MACROD2: variants seen among roughly 807,000 people sequenced by gnomAD.
MACROD2 encodes the protein mono-ADP ribosylhydrolase 2.
In MACROD2, 36 loss-of-function variants were observed where a neutral mutation model predicts 70.4. The ratio of observed to expected loss-of-function variants is 0.51; its 90% CI spans 0.39 to 0.68. The LOEUF (loss-of-function observed/expected upper bound fraction) is 0.68. Among genes scored for constraint, MACROD2 ranks in the 30% least tolerant of loss-of-function variants. The probability of loss-of-function intolerance (pLI) is 0.00; values close to 1 mark genes in which losing one functional copy is unlikely to be tolerated. For missense variants in MACROD2, 496 were observed against 538.4 expected, an observed-to-expected ratio of 0.92 and a Z score of 0.78; for synonymous variants, 172 against 178.8, an observed-to-expected ratio of 0.96 and a Z score of 0.30.
Position 15,477,099 on chromosome 20 carries a change from G to GTTTTT in MACROD2, c.572-22660_572-22656dup, listed in dbSNP as rs371999407. ...TTTCCATTCCTTTTCTCTATTTTTA[G>GTTTTT]TTTTTTTTTTTTTTTTTTTGAGACA... On this transcript the variant is annotated intron_variant, in intron 7 of 17. Coordinates refer to ENST00000684519, the MANE Select transcript of MACROD2 (RefSeq NM_001351661.2). 2.7e-3 allele frequency among the ~76,000 whole-genome samples: 317 copies of GTTTTT among 115,364 alleles called. 10 individuals carry two copies. Among genetic ancestry groups the GTTTTT allele is most frequent in the Non-Finnish European group, 3.3e-3 (198 of 59,162 alleles). The allele number at this position is 115,364 out of a possible 152,430, so 75.7% of individuals were successfully genotyped here. A position where few individuals can be genotyped will look rare whatever the true frequency, so the allele number is the denominator to read the frequency against.
chr20:14,006,568 C>T (rs3843772), intron 2 of MACROD2, among the ~76,000 whole-genome samples: 95,612 of 151,950 alleles, frequency 0.63, 30,769 homozygotes, highest in South Asian at 0.76. Context: ...TAAATATCCA[C>T]TTAGTATTCA....
chr20:14,748,495 T>C (rs1291053248), intron 5 of MACROD2, among the ~76,000 whole-genome samples: 2 of 152,114 alleles, frequency 1.3e-5, no homozygotes, highest in African/African-American at 4.8e-5. Flanking sequence ...ATTTTGTATC[T>C]TAACATGTCT....
chr20:15,478,295 A>G (rs923716514), intron 7 of MACROD2, among the ~76,000 whole-genome samples: 2 of 152,210 alleles, frequency 1.3e-5, no homozygotes, highest in Admixed American at 1.3e-4. Context: ...GATAAGGATT[A>G]TTCCCAGAGG....
intron 6 of MACROD2, among the ~76,000 whole-genome samples, chr20:15,259,368 T>A (rs2077228286): frequency 6.6e-6 from 1 of 151,912 alleles, no homozygotes; most frequent in Non-Finnish European, 1.5e-5. Context: ...CTGGCATAGG[T>A]AGAAGGAAGG....
At chr20:15,416,778 C>T (rs977533633) in intron 6 of MACROD2, among the ~76,000 whole-genome samples, 7 of 151,978 alleles carry the variant, frequency 4.6e-5, no homozygotes, top group African/African-American at 1.7e-4. Flanking sequence ...GGGGGGGCGC[C>T]GGTAGTCCCA....
intron 8 of MACROD2, among the ~76,000 whole-genome samples, chr20:15,530,342 G>A (rs569046350): frequency 6.6e-6 from 1 of 152,024 alleles, no homozygotes; most frequent in African/African-American, 2.4e-5. Context: ...GTTTTCAAGG[G>A]TTTCTTTAGG....
intron 3 of MACROD2, among the ~76,000 whole-genome samples, chr20:14,293,420 AT>A (rs2082401766): frequency 6.6e-6 from 1 of 151,876 alleles, no homozygotes; most frequent in Non-Finnish European, 1.5e-5. Context: ...ATTAGTAAGA[AT>A]GATCAGAAAA....
At chr20:15,644,115 C>A (rs1440807740) in intron 8 of MACROD2, among the ~76,000 whole-genome samples, 1 of 152,134 alleles carries the variant, frequency 6.6e-6, no homozygotes, top group Non-Finnish European at 1.5e-5. Context: ...AAAACAAGAT[C>A]TTGTTCCTAA....
At chr20:15,222,122 C>T (rs753873770) in intron 5 of MACROD2, among the ~76,000 whole-genome samples, 5 of 152,134 alleles carry the variant, frequency 3.3e-5, no homozygotes, top group Admixed American at 6.5e-5. Context: ...TAGTTTATCC[C>T]AAACTCATGC....
intron 5 of MACROD2, among the ~76,000 whole-genome samples, chr20:14,727,115 G>T (rs949476011): frequency 3.3e-5 from 5 of 152,054 alleles, no homozygotes; most frequent in Admixed American, 1.3e-4. Context: ...TTATCATTAG[G>T]CTGAAAAGCA....
intron 4 of MACROD2, among the ~76,000 whole-genome samples, chr20:14,532,272 G>A (rs946399593): frequency 6.0e-4 from 88 of 147,260 alleles, no homozygotes; most frequent in African/African-American, 2.1e-3. Flanking sequence ...AGGCTGGAGT[G>A]CAATGGCGCA....
At chr20:14,695,800 C>T (rs2071118313) in intron 5 of MACROD2, among the ~76,000 whole-genome samples, 1 of 152,236 alleles carries the variant, frequency 6.6e-6, no homozygotes, top group Non-Finnish European at 1.5e-5. Context: ...ACTCCAACAT[C>T]ATGAAAGACC....
At chr20:15,264,219 A>G (rs189884408) in intron 6 of MACROD2, among the ~76,000 whole-genome samples, 105 of 152,298 alleles carry the variant, frequency 6.9e-4, no homozygotes, top group Non-Finnish European at 6.3e-4. Context: ...TTTGAATAAA[A>G]GGAAGTTCAA....
chr20:14,369,084 G>T (rs2083299101), intron 3 of MACROD2, among the ~76,000 whole-genome samples: 1 of 152,084 alleles, frequency 6.6e-6, no homozygotes, highest in Non-Finnish European at 1.5e-5. Flanking sequence ...AAACTCTTTA[G>T]TTCTTCTGCC....
At chr20:14,703,966 G>A (rs1686474694) in intron 5 of MACROD2, among the ~76,000 whole-genome samples, 2 of 151,964 alleles carry the variant, frequency 1.3e-5, no homozygotes, top group Non-Finnish European at 2.9e-5. Flanking sequence ...GACCTCAAGT[G>A]ATCTGCCCGC....
Position 15,677,317 on chromosome 20 carries a change from A to G in MACROD2, c.645+177470A>G, listed in dbSNP as rs573593605. The stretch of plus-strand genomic sequence containing the variant: ...CTAGGAAATTTAGAGGGCAACTCCA[A>G]TGAGACTGTCTGGCTCACAGAAATG... On this transcript the variant is annotated intron_variant, in intron 8 of 17. Coordinates refer to ENST00000684519, the MANE Select transcript of MACROD2 (RefSeq NM_001351661.2). Among the ~76,000 whole-genome samples the G allele has an allele frequency of 4.5e-4, 68 of 152,224 alleles. No homozygotes were observed. In the South Asian group the frequency reaches 0.012, roughly 27 times the overall value.
chr20:15,842,466 A>ATC (rs2064181777), intron 8 of MACROD2, among the ~76,000 whole-genome samples: 1 of 46,166 alleles, frequency 2.2e-5, no homozygotes, highest in African/African-American at 1.1e-4. Context: ...CCTTTTTTTC[A>ATC]TCTTTTTTTT....
At chr20:14,266,264 T>C (rs970834289) in intron 3 of MACROD2, among the ~76,000 whole-genome samples, 1 of 152,190 alleles carries the variant, frequency 6.6e-6, no homozygotes, top group African/African-American at 2.4e-5. Flanking sequence ...AATTTTCTTA[T>C]ATATAAAATG....
At chr20:14,730,173 A>T (rs748113873) in intron 5 of MACROD2, among the ~76,000 whole-genome samples, 20 of 152,156 alleles carry the variant, frequency 1.3e-4, no homozygotes, top group Non-Finnish European at 2.4e-4. Context: ...TTCAAATGAA[A>T]TTCCAGAGGA....
Sources: gnomAD v4.1 joint callset for allele counts (sites outside exome capture counted in the v4.1 genomes callset) on GRCh38, gnomAD v4.1.1 for gene constraint, MANE v1.5 for transcripts, NCBI Gene and HGNC (gene_info 2026-07-23, HGNC 2026-07-21) for gene names.